Variants in SMURF2 observed in about 807,000 individuals in gnomAD.
The protein encoded by SMURF2 is SMAD specific E3 ubiquitin protein ligase 2, also known as E3 ubiquitin-protein ligase SMURF2.
A neutral mutation model predicts 109.6 loss-of-function variants in SMURF2; 48 were observed. The observed-to-expected ratio is 0.44, with a 90% CI of 0.35 to 0.56. The LOEUF (loss-of-function observed/expected upper bound fraction) is 0.56, where lower values mean the gene tolerates loss of function less well. Ranked by LOEUF, SMURF2 falls within the 20% of genes least tolerant of loss-of-function variation. The pLI is 0.01. For synonymous variants in SMURF2, 288 were observed against 317.1 expected (o/e 0.91, Z 0.97); for missense variants, 575 against 909.0 (o/e 0.63, Z 4.72).
At chr17:64,636,283 G>T (rs1470015199) in intron 1 of SMURF2, among the ~76,000 whole-genome samples, 1 of 152,022 alleles carries the variant, frequency 6.6e-6, no homozygotes, top group Non-Finnish European at 1.5e-5. Context: ...TAACTGGATT[G>T]TTTGTCCTTT....
At chr17:64,612,155 T>C (rs1262715586) in intron 1 of SMURF2, among the ~76,000 whole-genome samples, 1 of 152,170 alleles carries the variant, frequency 6.6e-6, no homozygotes, top group East Asian at 1.9e-4. Context: ...CGTTTAAGTT[T>C]GGAATGTTGC....
chr17:64,613,672 CAGTG>C lies in SMURF2; in HGVS notation c.53-7036_53-7033del, dbSNP rs1243889077. ...CATGGAAGACAAGTTTTCCACGGAC[CAGTG>C]TGTGTGTGTGTGTGTGTGTGTGTGT... On this transcript the variant is annotated intron_variant, in intron 1 of 18. Coordinates refer to ENST00000262435, the MANE Select transcript of SMURF2 (RefSeq NM_022739.4). Among the ~76,000 whole-genome samples, 46 of 53,720 alleles carry C rather than the reference CAGTG, an allele frequency of 8.6e-4. 1 individual carries two copies. Among genetic ancestry groups the C allele is most frequent in the African/African-American group, 1.8e-3 (24 of 13,520 alleles). The allele number at this position is 53,720 out of a possible 152,430, so 35.2% of individuals were successfully genotyped here. A position where few individuals can be genotyped will look rare whatever the true frequency, so the allele number is the denominator to read the frequency against.
chr17:64,602,622 C>A (rs1236615401), intron 2 of SMURF2, among the ~76,000 whole-genome samples: 5 of 152,280 alleles, frequency 3.3e-5, no homozygotes, highest in Middle Eastern at 3.4e-3. Flanking sequence ...GGCTAGAGAA[C>A]TTTCTGCATT....
At chr17:64,588,919 G>A (rs1389207164) in intron 5 of SMURF2, among the ~76,000 whole-genome samples, 8 of 152,160 alleles carry the variant, frequency 5.3e-5, no homozygotes, top group East Asian at 1.9e-4. Flanking sequence ...CACTGTGCCC[G>A]GCCCGGGAAT....
At chr17:64,613,434 G>A (rs1970071916) in intron 1 of SMURF2, among the ~76,000 whole-genome samples, 1 of 152,104 alleles carries the variant, frequency 6.6e-6, no homozygotes, top group African/African-American at 2.4e-5. Context: ...GGAATCATGG[G>A]ACTAGGGAGG....
chr17:64,611,353 A>C (rs535165504), intron 1 of SMURF2, among the ~76,000 whole-genome samples: 18 of 152,288 alleles, frequency 1.2e-4, no homozygotes, highest in African/African-American at 4.3e-4. Context: ...CTCTATGGTT[A>C]TGATGATACC....
rs1311720641 is a variant in SMURF2, at chr17:64,662,149, C to A, written c.-269G>T. The stretch of plus-strand genomic sequence containing the variant: ...GCCGCCCGCGCCGCCTCCGCCCGCG[C>A]CCCCGCCGCCTCCTCGCGGCCGCCG... On this transcript the variant is annotated 5_prime_UTR_variant, in exon 1 of 19. Coordinates refer to ENST00000262435, the MANE Select transcript of SMURF2 (RefSeq NM_022739.4). 4.9e-5 allele frequency: 51 copies of A among 1,034,152 alleles called. No individual in the cohort carries two copies. The highest frequency in any genetic ancestry group is 4.6e-4 in the Middle Eastern group (1 of 2,158). The allele number at this position is 1,034,152 out of a possible 1,614,324, so 64.1% of individuals were successfully genotyped here. A position where few individuals can be genotyped will look rare whatever the true frequency, so the allele number is the denominator to read the frequency against.
chr17:64,554,811 A>G, intron 15 of SMURF2, 45 bp downstream of exon 15: 1 of 1,578,734 alleles, frequency 6.3e-7, no homozygotes, highest in Non-Finnish European at 8.7e-7. Context: ...CTAACATTCT[A>G]GAACATTTTA....
At position 64,600,831 on chromosome 17, in the gene SMURF2, AT is replaced by A. The variant is rs1969885201; in HGVS notation, c.92-2342del. ...ACTATTTAAATAAATAAACATATAA[AT>A]GTGTATTTATGAGCAAAAACAAAAA... On this transcript the variant is annotated intron_variant, in intron 2 of 18. Coordinates refer to ENST00000262435, the MANE Select transcript of SMURF2 (RefSeq NM_022739.4). Among the ~76,000 whole-genome samples, 5 of 152,192 alleles carry A rather than the reference AT, an allele frequency of 3.3e-5. No homozygotes were observed. In the South Asian group the frequency reaches 1.0e-3, roughly 32 times the overall value.
chr17:64,552,156 G>A (rs538624735), intron 15 of SMURF2, among the ~76,000 whole-genome samples: 1 of 152,152 alleles, frequency 6.6e-6, no homozygotes, highest in South Asian at 2.1e-4. Flanking sequence ...GAGAAGAGGA[G>A]GTAGAGAATC....
intron 2 of SMURF2, among the ~76,000 whole-genome samples, chr17:64,599,551 A>G (rs782239129): frequency 6.6e-6 from 1 of 152,184 alleles, no homozygotes; most frequent in Non-Finnish European, 1.5e-5. Context: ...ACAAAGCAGG[A>G]AGTGAGCGGT....
chr17:64,566,561 G>GTTTGGTTTTTTTT (rs1969305868), intron 10 of SMURF2, among the ~76,000 whole-genome samples: 4 of 43,784 alleles, frequency 9.1e-5, no homozygotes, highest in South Asian at 1.7e-3. Context: ...AAGCTTTCTG[G>GTTTGGTTTTTTTT]TTTTTTTTTT....
intron 6 of SMURF2, among the ~76,000 whole-genome samples, chr17:64,584,399 G>A (rs574328682): frequency 9.1e-4 from 110 of 120,508 alleles, no homozygotes; most frequent in Non-Finnish European, 1.4e-3. Flanking sequence ...TTGCTCCTTC[G>A]CCAGGCTGGA....
intron 1 of SMURF2, among the ~76,000 whole-genome samples, chr17:64,636,221 G>A (rs1970414282): frequency 6.6e-6 from 1 of 152,154 alleles, no homozygotes; most frequent in Non-Finnish European, 1.5e-5. Flanking sequence ...AGCCTCTCAA[G>A]TAGCTGAGAC....
Position 64,551,668 on chromosome 17 carries a change from C to T in SMURF2, c.1785G>A (p.Glu595=). ...YVNWRFLRGI[E]AQFLALQKGF... is the part of the protein sequence containing the mutation. ...CTTTCTGCAGAGCCAAGAATTGAGC[C>T]TCAATGCCTCGTAAAAATCTCCAGT... The change falls in exon 16 of 19, where the codon GAG becomes GAA. Residue 595 remains glutamate (E), a synonymous_variant. Coordinates refer to ENST00000262435, the MANE Select transcript of SMURF2 (RefSeq NM_022739.4). The T allele has an allele frequency of 4.3e-6, 7 of 1,614,052 alleles. No homozygotes were observed. The highest frequency in any genetic ancestry group is 5.9e-6 in the Non-Finnish European group (7 of 1,179,976).
At chr17:64,549,746 A>G (rs970755239) in intron 16 of SMURF2, among the ~76,000 whole-genome samples, 2 of 152,176 alleles carry the variant, frequency 1.3e-5, no homozygotes, top group Non-Finnish European at 2.9e-5. Flanking sequence ...TGACAGAGTG[A>G]GATTCTGTCT....
chr17:64,594,148 G>A (rs1377587431), intron 3 of SMURF2: 1 of 152,304 alleles, frequency 6.6e-6, no homozygotes, highest in African/African-American at 2.4e-5. Context: ...GTACTTGTCT[G>A]TGCATATGCC....
chr17:64,548,390 A>G (rs1434275355), intron 16 of SMURF2, among the ~76,000 whole-genome samples: 1 of 151,962 alleles, frequency 6.6e-6, no homozygotes, highest in Admixed American at 6.6e-5. Context: ...AATTTGCTTA[A>G]TAATTTTTTT....
chr17:64,568,099 C>G (rs927503426), intron 10 of SMURF2, among the ~76,000 whole-genome samples: 7 of 152,002 alleles, frequency 4.6e-5, no homozygotes, highest in African/African-American at 1.7e-4. Context: ...TGTGATCCAC[C>G]CGCCTTGGCC....
Sources: gnomAD v4.1 joint callset for allele counts (sites outside exome capture counted in the v4.1 genomes callset) on GRCh38, gnomAD v4.1.1 for gene constraint, MANE v1.5 for transcripts, NCBI Gene and HGNC (gene_info 2026-07-23, HGNC 2026-07-21) for gene names.